PAX5: variants seen among roughly 807,000 people sequenced by gnomAD.
The protein encoded by PAX5 is paired box 5.
In PAX5, 9 loss-of-function variants were observed where a neutral mutation model predicts 43.7. That is an observed-to-expected ratio of 0.21 (90% CI 0.12 to 0.36). The LOEUF (loss-of-function observed/expected upper bound fraction) is 0.36, where lower values mean the gene tolerates loss of function less well. Ranked by LOEUF, PAX5 falls within the 10% of genes least tolerant of loss-of-function variation. The pLI is 1.00. For synonymous variants in PAX5, 228 were observed against 214.3 expected, an observed-to-expected ratio of 1.06 and a Z score of -0.56; for missense variants, 383 against 532.7, an observed-to-expected ratio of 0.72 and a Z score of 2.77.
intron 7 of PAX5, among the ~76,000 whole-genome samples, chr9:36,883,632 C>G (rs1002411250): frequency 6.6e-6 from 1 of 152,090 alleles, no homozygotes; most frequent in African/African-American, 2.4e-5. Flanking sequence ...GGTGGCACCA[C>G]TGCACTTCAG....
At chr9:36,929,393 T>A (rs2132003118) in intron 6 of PAX5, among the ~76,000 whole-genome samples, 1 of 152,320 alleles carries the variant, frequency 6.6e-6, no homozygotes, top group South Asian at 2.1e-4. Context: ...TCTCAGTTTT[T>A]TCGAAGCCAA....
chr9:37,014,708 G>A (rs576153574), intron 3 of PAX5, among the ~76,000 whole-genome samples: 1 of 152,294 alleles, frequency 6.6e-6, no homozygotes, highest in Admixed American at 6.5e-5. Flanking sequence ...ACACATATAG[G>A]TGGGTGGTGA....
intron 8 of PAX5, among the ~76,000 whole-genome samples, chr9:36,859,068 C>G (rs147900700): frequency 0.014 from 2,130 of 152,256 alleles, 21 homozygotes; most frequent in Non-Finnish European, 0.023. Context: ...CCAGGACGCT[C>G]GGGGTTCACT....
rs145618165 is a variant in PAX5 at position 36,842,937 on chromosome 9, T to C, written c.1100-2301A>G. Among the ~76,000 whole-genome samples, 45 of 152,280 alleles carry C rather than the reference T, an allele frequency of 3.0e-4. No individual in the cohort carries two copies. In the East Asian group the frequency reaches 4.8e-3, roughly 16 times the overall value. On this transcript the variant is annotated intron_variant, in intron 9 of 9. Coordinates refer to ENST00000358127, the MANE Select transcript of PAX5 (RefSeq NM_016734.3). ...CTTGGCCATTCCTGGGAAGGAGGCTTCAGCCAGGTTGGACGAGGTGTGGGC... is the reference window on the plus strand; with the variant it reads ...CTTGGCCATTCCTGGGAAGGAGGCTCCAGCCAGGTTGGACGAGGTGTGGGC...
intron 6 of PAX5, among the ~76,000 whole-genome samples, chr9:36,958,340 A>G (rs967045737): frequency 2.6e-4 from 40 of 151,852 alleles, no homozygotes; most frequent in African/African-American, 9.7e-4. Flanking sequence ...ACTCTCCTCC[A>G]CTGGTGGACA....
At chr9:36,863,238 G>C (rs764115800) in intron 8 of PAX5, among the ~76,000 whole-genome samples, 5 of 152,082 alleles carry the variant, frequency 3.3e-5, no homozygotes, top group Non-Finnish European at 7.4e-5. Context: ...ACCCGCCTGG[G>C]TTCTTTTTTT....
chr9:36,861,872 T>C (rs1824252684), intron 8 of PAX5, among the ~76,000 whole-genome samples: 1 of 152,136 alleles, frequency 6.6e-6, no homozygotes, highest in South Asian at 2.1e-4. Flanking sequence ...TTGTTGTGAA[T>C]AGACTAAAGG....
At chr9:37,017,575 G>A (rs1839488825) in intron 2 of PAX5, among the ~76,000 whole-genome samples, 1 of 152,218 alleles carries the variant, frequency 6.6e-6, no homozygotes, top group Non-Finnish European at 1.5e-5. Flanking sequence ...CAGGGAAGGG[G>A]TTACAGACAT....
intron 1 of PAX5, among the ~76,000 whole-genome samples, chr9:37,031,468 A>G (rs1840974834): frequency 6.6e-6 from 1 of 152,298 alleles, no homozygotes. Flanking sequence ...CAATCCATCC[A>G]GGTCTGCCCG....
At chr9:36,940,539 C>A (rs181127635) in intron 6 of PAX5, among the ~76,000 whole-genome samples, 93 of 152,260 alleles carry the variant, frequency 6.1e-4, no homozygotes, top group African/African-American at 2.1e-3. Context: ...CCAGGAGCAG[C>A]CCTGGGACCC....
At chr9:36,906,651 C>T (rs1422456960) in intron 7 of PAX5, among the ~76,000 whole-genome samples, 3 of 152,202 alleles carry the variant, frequency 2.0e-5, no homozygotes, top group Non-Finnish European at 4.4e-5. Flanking sequence ...ACATCCAAGA[C>T]AGGCAGCCGT....
rs1422554441 is a variant in PAX5 at position 36,840,465 on chromosome 9, G to A, written c.*95C>T. The A allele has an allele frequency of 4.7e-5, 57 of 1,205,062 alleles. No individual in the cohort carries two copies. Among genetic ancestry groups the A allele is most frequent in the Non-Finnish European group, 6.0e-5 (50 of 840,008 alleles). The allele number at this position is 1,205,062 out of a possible 1,614,324, so 74.6% of individuals were successfully genotyped here. On this transcript the variant is annotated 3_prime_UTR_variant, in exon 10 of 10. Transcript: ENST00000358127. ...AGGCAAGTGGGGGATGCTGGGGGAC[G>A]GTCTCATGGGCTCTCTGGCTATCTT... is the stretch of plus-strand genomic sequence containing the variant.
At chr9:37,000,835 G>A (rs1244623542) in intron 5 of PAX5, among the ~76,000 whole-genome samples, 5 of 152,204 alleles carry the variant, frequency 3.3e-5, no homozygotes, top group Admixed American at 1.3e-4. Flanking sequence ...TTAAGGCCAT[G>A]CAATGAGATC....
chr9:37,002,969 A>G (rs906731528), intron 4 of PAX5, 193 bp from the exon 5 acceptor site: 37 of 601,958 alleles, frequency 6.1e-5, no homozygotes, highest in Non-Finnish European at 9.6e-5. Flanking sequence ...CGTGTGCCCC[A>G]GTTCTCTGCG....
At chr9:36,860,523 C>T (rs1362420430) in intron 8 of PAX5, among the ~76,000 whole-genome samples, 4 of 152,166 alleles carry the variant, frequency 2.6e-5, no homozygotes, top group Non-Finnish European at 5.9e-5. Flanking sequence ...ACTCAGTGTG[C>T]AGCATGTTAG....
rs143895312 is a variant in PAX5, at chr9:37,006,688, A to G, written c.411-151T>C. The G allele has an allele frequency of 2.9e-4, 194 of 664,490 alleles. No individual in the cohort carries two copies. In the African/African-American group the frequency reaches 3.0e-3, roughly 10 times the overall value. The allele number at this position is 664,490 out of a possible 1,614,324, so 41.2% of individuals were successfully genotyped here. ...GGGCAGAGGTGGAGGGAGATTATAA[A>G]CCCAGGCTGGAATCAGGAGGGTGGA... On this transcript the variant is annotated intron_variant, in intron 3 of 9. Transcript: ENST00000358127.
intron 7 of PAX5, chr9:36,923,069 G>A (rs974461871): frequency 3.3e-5 from 12 of 363,318 alleles, no homozygotes; most frequent in African/African-American, 1.0e-4. Context: ...CCCCACCCAC[G>A]GGGGCCCCTC....
At chr9:37,023,808 G>A (rs1840058533) in intron 1 of PAX5, among the ~76,000 whole-genome samples, 1 of 152,166 alleles carries the variant, frequency 6.6e-6, no homozygotes, top group Non-Finnish European at 1.5e-5. Context: ...GAATGAAGGG[G>A]TACACAGACA....
chr9:36,988,307 G>A (rs1045310995), intron 5 of PAX5, among the ~76,000 whole-genome samples: 1 of 152,080 alleles, frequency 6.6e-6, no homozygotes, highest in Non-Finnish European at 1.5e-5. Context: ...ATTCCAGTTG[G>A]TATTTCTTTC....
Sources: gnomAD v4.1 joint callset for allele counts (sites outside exome capture counted in the v4.1 genomes callset) on GRCh38, gnomAD v4.1.1 for gene constraint, MANE v1.5 for transcripts, NCBI Gene and HGNC (gene_info 2026-07-23, HGNC 2026-07-21) for gene names.